The following EXOSC8 variants were observed in gnomAD, a reference collection of about 807,000 sequenced individuals.
EXOSC8 encodes exosome component 8.
EXOSC8 carries 37 observed loss-of-function variants against 39.9 expected under a neutral mutation model. That is an observed-to-expected ratio of 0.93 (90% CI 0.71 to 1.22). EXOSC8 has a LOEUF of 1.22. Among genes scored for constraint, EXOSC8 ranks in the 50% most tolerant of loss-of-function variants. EXOSC8 has a pLI of 0.00. For synonymous variants in EXOSC8, 93 were observed against 109.5 expected (o/e 0.85, Z 0.94); for missense variants, 313 against 326.6 (o/e 0.96, Z 0.32).
intron 7 of EXOSC8, 46 bp from the exon 8 acceptor site, chr13:37,006,929 C>T (rs769654326): frequency 8.7e-7 from 1 of 1,148,912 alleles, no homozygotes; most frequent in Non-Finnish European, 1.3e-6. Context: ...GCATGTTCTA[C>T]CCATTAGAAG....
At chr13:37,002,007 A>T (rs1024182511) in intron 1 of EXOSC8, among the ~76,000 whole-genome samples, 1 of 152,204 alleles carries the variant, frequency 6.6e-6, no homozygotes, top group Non-Finnish European at 1.5e-5. Flanking sequence ...AGCAAGAACG[A>T]CATGATTCTT....
At chr13:37,006,054 C>G (rs770817068) in intron 6 of EXOSC8, 29 bp downstream of exon 6, 9 of 1,579,000 alleles carry the variant, frequency 5.7e-6, no homozygotes, top group South Asian at 1.1e-5. Flanking sequence ...AATTTTATTA[C>G]AATTCATTTT....
Position 37,009,261 on chromosome 13 carries a change from C to T in EXOSC8, c.793C>T (p.Leu265=), listed in dbSNP as rs768485487. ...TACAAGACACAAAGAAGTTAAAAAACTGATGGATGAAGTAATTAAGAGTAT... is the reference window on the plus strand; with the variant it reads ...TACAAGACACAAAGAAGTTAAAAAATTGATGGATGAAGTAATTAAGAGTAT... ...AVTRHKEVKK[L]MDEVIKSMKP... Residue 265 remains leucine, a synonymous_variant, in exon 11 of 11, where the codon CTG becomes TTG. Transcript: ENST00000389704. The T allele has an allele frequency of 6.2e-7, 1 of 1,611,836 alleles. No individual in the cohort carries two copies. Among genetic ancestry groups the T allele is most frequent in the African/African-American group, 1.3e-5 (1 of 75,006 alleles).
Position 37,008,891 on chromosome 13 carries a change from C to T in EXOSC8, c.715+56C>T. On this transcript the variant is annotated intron_variant, in intron 10 of 10. Transcript: ENST00000389704. ...ATGTAGATGAAAACTCAGTGTGAGC[C>T]TTAAATTAGGGAGGGCCAAATAGAA... The T allele has an allele frequency of 2.6e-6, 3 of 1,145,416 alleles. No individual in the cohort carries two copies. The South Asian group carries it at 3.8e-5, about 15-fold the overall frequency. The allele number at this position is 1,145,416 out of a possible 1,614,324, so 71.0% of individuals were successfully genotyped here.
At chr13:37,008,292 G>T in intron 9 of EXOSC8, 115 bp downstream of exon 9, 1 of 823,036 alleles carries the variant, frequency 1.2e-6, no homozygotes. Flanking sequence ...AGTTTTCCCT[G>T]GACACTTGAG....
chr13:37,004,316 G>A, intron 4 of EXOSC8, 200 bp from the exon 5 acceptor site: 2 of 420,876 alleles, frequency 4.8e-6, no homozygotes, highest in Non-Finnish European at 4.2e-6. Flanking sequence ...TTGCCGAGCA[G>A]CACTGTAGTG....
At chr13:37,007,193 C>T (rs1385891094) in intron 8 of EXOSC8, 122 bp downstream of exon 8, 6 of 703,374 alleles carry the variant, frequency 8.5e-6, no homozygotes. Flanking sequence ...GCTGACATGA[C>T]TTTCCAAATA....
At position 37,002,656 on chromosome 13, in the gene EXOSC8, G is replaced by T. The variant is rs1212089379; in HGVS notation, c.118+105G>T. 12 of 832,234 alleles carry T rather than the reference G, an allele frequency of 1.4e-5. No individual in the cohort carries two copies. In the East Asian group the frequency reaches 2.8e-4, roughly 19 times the overall value. The allele number at this position is 832,234 out of a possible 1,614,324, so 51.6% of individuals were successfully genotyped here. On this transcript the variant is annotated intron_variant, in intron 3 of 10. Transcript: ENST00000389704. ...AAATTCTTTGTCTAAAGGATTTGATGATTTTTTTTGTCAAGAGATTTTTAT... is the reference window on the plus strand; with the variant it reads ...AAATTCTTTGTCTAAAGGATTTGATTATTTTTTTTGTCAAGAGATTTTTAT...
At position 37,005,990 on chromosome 13, in the gene EXOSC8, A is replaced by G. The variant is rs764258227; in HGVS notation, c.309A>G (p.Gln103=). 4 of 1,612,348 alleles carry G rather than the reference A, an allele frequency of 2.5e-6. No homozygotes were observed. Among genetic ancestry groups the G allele is most frequent in the East Asian group, 4.5e-5 (2 of 44,856 alleles). ...FRSGPPGEEA[Q]VASQFIADVI... is the part of the protein sequence containing the mutation. ...CTGGACCTCCTGGAGAAGAGGCCCA[A>G]GTGGCTAGCCAGTTCATTGCAGATG... is the stretch of plus-strand genomic sequence containing the variant. Residue 103 remains glutamine (Q), a synonymous_variant, in exon 6 of 11, where the codon CAA becomes CAG. Transcript: ENST00000389704.
Position 37,004,553 on chromosome 13 carries a change from G to T in EXOSC8, c.230G>T (p.Gly77Val), listed in dbSNP as rs1232395481. 1.2e-6 allele frequency: 2 copies of T among 1,600,922 alleles called. No individual in the cohort carries two copies. The highest frequency in any genetic ancestry group is 4.5e-5 in the East Asian group (2 of 44,722). ...AAPSTDAPDK[G>V]YVVPNVDLPP... ...CCATCAACAGATGCCCCTGATAAAG[G>T]ATACGTTGGTAAGTTAAATGGTTTT... The change falls in exon 5 of 11, where the codon GGA becomes GTA. Residue 77 changes from glycine to valine, a missense_variant. Gly to Val is a moderately radical substitution (Grantham distance 109). Coordinates refer to ENST00000389704, the MANE Select transcript of EXOSC8 (RefSeq NM_181503.3).
chr13:37,004,856 C>G (rs1271899401), intron 5 of EXOSC8, among the ~76,000 whole-genome samples: 2 of 152,084 alleles, frequency 1.3e-5, no homozygotes, highest in Non-Finnish European at 1.5e-5. Flanking sequence ...TGACTCACAC[C>G]TATAATACCA....
At chr13:37,001,937 C>T (rs1412615211) in intron 1 of EXOSC8, 2 of 194,266 alleles carry the variant, frequency 1.0e-5, no homozygotes, top group African/African-American at 4.6e-5. Flanking sequence ...TTCATGATCA[C>T]TAGATTATTA....
At chr13:37,006,071 G>C (rs939228721) in intron 6 of EXOSC8, 44 bp from the exon 7 acceptor site, 9 of 1,587,790 alleles carry the variant, frequency 5.7e-6, no homozygotes, top group South Asian at 5.6e-5. Context: ...TTTTCAGATA[G>C]TTTTGGGCTT....
At chr13:37,005,695 G>A (rs1008767979) in intron 5 of EXOSC8, among the ~76,000 whole-genome samples, 6 of 151,716 alleles carry the variant, frequency 4.0e-5, no homozygotes, top group African/African-American at 1.4e-4. Flanking sequence ...GTAAAACCCT[G>A]TCTACTAAAA....
At chr13:37,002,815 T>C in intron 3 of EXOSC8, 119 bp from the exon 4 acceptor site, 1 of 722,648 alleles carries the variant, frequency 1.4e-6, no homozygotes, top group East Asian at 2.7e-5. Flanking sequence ...CATAAGCAAC[T>C]GAGAGGGGTA....
chr13:37,004,669 G>A (rs753939023), intron 5 of EXOSC8, 108 bp downstream of exon 5: 8 of 680,128 alleles, frequency 1.2e-5, no homozygotes, highest in South Asian at 3.9e-5. Context: ...CCTAATATTC[G>A]GAAATATTTA....
chr13:37,008,583 T>C (rs1467212265), intron 9 of EXOSC8, 146 bp from the exon 10 acceptor site: 2 of 593,242 alleles, frequency 3.4e-6, no homozygotes, highest in East Asian at 3.0e-5. Flanking sequence ...GTTGAAACCC[T>C]GTCTCTACTA....
intron 5 of EXOSC8, 59 bp downstream of exon 5, chr13:37,004,620 T>C: frequency 9.2e-7 from 1 of 1,081,400 alleles, no homozygotes; most frequent in Non-Finnish European, 1.4e-6. Flanking sequence ...TAATAATTTT[T>C]AGTTAAGTCC....
chr13:37,008,728 G>A lies in EXOSC8; in HGVS notation c.609-1G>A. ...TAACTTATATTTTTTTCTTTTTATA[G>A]CACTTTGCTTATAGTTGACCCTACT... On this transcript the variant is annotated splice_acceptor_variant, in intron 9 of 10. Coordinates refer to ENST00000389704, the MANE Select transcript of EXOSC8 (RefSeq NM_181503.3). LOFTEE classifies it high-confidence loss of function. The A allele has an allele frequency of 6.3e-7, 1 of 1,587,186 alleles. No homozygotes were observed. Among genetic ancestry groups the A allele is most frequent in the South Asian group, 1.1e-5 (1 of 89,414 alleles).
Sources: gnomAD v4.1 joint callset for allele counts (sites outside exome capture counted in the v4.1 genomes callset) on GRCh38, gnomAD v4.1.1 for gene constraint, MANE v1.5 for transcripts, NCBI Gene and HGNC (gene_info 2026-07-23, HGNC 2026-07-21) for gene names.